The following MBNL1 variants were observed in gnomAD, a reference collection of about 807,000 sequenced individuals.
MBNL1 encodes muscleblind like splicing regulator 1.
Under a neutral mutation model 42.2 loss-of-function variants are expected in MBNL1, and 8 were observed. The observed-to-expected ratio is 0.19, with a 90% CI of 0.11 to 0.34. The LOEUF is 0.34. Ranked by LOEUF, MBNL1 falls within the 10% of genes least tolerant of loss-of-function variation. MBNL1 has a pLI of 1.00. For synonymous variants in MBNL1, 169 were observed against 173.9 expected (o/e 0.97, Z 0.22); for missense variants, 309 against 495.3 (o/e 0.62, Z 3.57).
chr3:152,421,160 G>A (rs1440948572), intron 3 of MBNL1, among the ~76,000 whole-genome samples: 1 of 152,212 alleles, frequency 6.6e-6, no homozygotes, highest in Non-Finnish European at 1.5e-5. Context: ...ACCTCAAAGT[G>A]ATGGGGAGAA....
chr3:152,290,578 T>A (rs1468585630), intron 1 of MBNL1, among the ~76,000 whole-genome samples: 1 of 152,122 alleles, frequency 6.6e-6, no homozygotes, highest in Non-Finnish European at 1.5e-5. Flanking sequence ...TGTGCAATAA[T>A]GTCATTAGGG....
intron 2 of MBNL1, among the ~76,000 whole-genome samples, chr3:152,380,084 C>T (rs765455825): frequency 6.6e-6 from 1 of 152,062 alleles, no homozygotes; most frequent in Non-Finnish European, 1.5e-5. Context: ...TAGTACATAA[C>T]AGGTTGTATA....
intron 2 of MBNL1, among the ~76,000 whole-genome samples, chr3:152,396,502 A>C (rs1034268337): frequency 6.6e-6 from 1 of 152,278 alleles, no homozygotes; most frequent in Non-Finnish European, 1.5e-5. Flanking sequence ...TAATTTCCTC[A>C]TTGGCATAAT....
At chr3:152,353,158 T>TGTC (rs2095226295) in intron 2 of MBNL1, among the ~76,000 whole-genome samples, 1 of 152,168 alleles carries the variant, frequency 6.6e-6, no homozygotes, top group African/African-American at 2.4e-5. Flanking sequence ...TCTCAGAAGC[T>TGTC]TATCCTAGCA....
chr3:152,333,209 G>A (rs890695868), intron 2 of MBNL1, among the ~76,000 whole-genome samples: 4 of 152,282 alleles, frequency 2.6e-5, no homozygotes, highest in African/African-American at 9.6e-5. Context: ...TAATGTTACT[G>A]CCCTGTTAAT....
At chr3:152,325,082 T>TCCCCC (rs1560149912) in intron 2 of MBNL1, among the ~76,000 whole-genome samples, 2 of 41,022 alleles carry the variant, frequency 4.9e-5, no homozygotes, top group African/African-American at 9.2e-5. Context: ...TAATGCCACA[T>TCCCCC]ACCCGCCCCC....
At chr3:152,333,355 T>C (rs1342515961) in intron 2 of MBNL1, among the ~76,000 whole-genome samples, 3 of 152,168 alleles carry the variant, frequency 2.0e-5, no homozygotes, top group East Asian at 3.8e-4. Flanking sequence ...TGGACACATA[T>C]AAGATAAGTT....
chr3:152,353,103 A>G (rs1455468862), intron 2 of MBNL1, among the ~76,000 whole-genome samples: 1 of 152,226 alleles, frequency 6.6e-6, no homozygotes, highest in East Asian at 1.9e-4. Context: ...ATGAGAGTAC[A>G]AAAGTCAGAG....
chr3:152,270,488 C>T (rs1204526827), intron 1 of MBNL1, among the ~76,000 whole-genome samples: 1 of 151,662 alleles, frequency 6.6e-6, no homozygotes, highest in Non-Finnish European at 1.5e-5. Flanking sequence ...CCACAGTTAT[C>T]TCTCTGTGTG....
chr3:152,360,478 ATCT>A (rs1468703010), intron 2 of MBNL1, among the ~76,000 whole-genome samples: 1 of 152,006 alleles, frequency 6.6e-6, no homozygotes, highest in African/African-American at 2.4e-5. Context: ...GAATCCCCTG[ATCT>A]TCTTCCTGTC....
At chr3:152,354,858 T>C (rs113156480) in intron 2 of MBNL1, among the ~76,000 whole-genome samples, 154 of 152,342 alleles carry the variant, frequency 1.0e-3, no homozygotes, top group African/African-American at 3.6e-3. Flanking sequence ...TATTTGCTTC[T>C]ATAGAAATTT....
intron 2 of MBNL1, among the ~76,000 whole-genome samples, chr3:152,373,323 A>C (rs1289012355): frequency 3.0e-5 from 4 of 131,704 alleles, no homozygotes; most frequent in Non-Finnish European, 4.7e-5. Flanking sequence ...CTGGCCTTCC[A>C]GGTGTCACTG....
chr3:152,252,623 T>A (rs1012152575), intron 2 of MBNL1, among the ~76,000 whole-genome samples: 1 of 152,052 alleles, frequency 6.6e-6, no homozygotes, highest in Non-Finnish European at 1.5e-5. Flanking sequence ...TAGTCTGAAG[T>A]CAAATTATCC....
intron 2 of MBNL1, among the ~76,000 whole-genome samples, chr3:152,337,850 T>C (rs1240901738): frequency 1.3e-5 from 2 of 152,192 alleles, no homozygotes. Context: ...ATGTATATTG[T>C]ACTTACTAAA....
rs146467169 is a variant in MBNL1, at chr3:152,434,290, G to T, written c.549+1370G>T. 2.3e-3 allele frequency among the ~76,000 whole-genome samples: 348 copies of T among 152,318 alleles called. 1 individual carries two copies. Among genetic ancestry groups the T allele is most frequent in the Non-Finnish European group, 2.5e-3 (168 of 68,016 alleles). ...CATCATTTAGCCCCCACTTACAAGTGAGAACATGTGGTTATGTGGTTTCCT... is the reference window on the plus strand; with the variant it reads ...CATCATTTAGCCCCCACTTACAAGTTAGAACATGTGGTTATGTGGTTTCCT... On this transcript the variant is annotated intron_variant, in intron 4 of 9. Transcript: ENST00000324210.
intron 2 of MBNL1, among the ~76,000 whole-genome samples, chr3:152,261,127 G>C (rs781126023): frequency 6.6e-6 from 1 of 152,070 alleles, no homozygotes; most frequent in South Asian, 2.1e-4. Context: ...CCTTGGCTGC[G>C]CTTTGAAATC....
In MBNL1 at chr3:152,299,650, G is replaced by C; in HGVS notation, c.-544G>C. The C allele has an allele frequency of 2.5e-6, 1 of 398,556 alleles. No individual in the cohort carries two copies. The highest frequency in any genetic ancestry group is 4.4e-6 in the Non-Finnish European group (1 of 226,088). The allele number at this position is 398,556 out of a possible 1,614,324, so 24.7% of individuals were successfully genotyped here. A position where few individuals can be genotyped will look rare whatever the true frequency, so the allele number is the denominator to read the frequency against. On this transcript the variant is annotated 5_prime_UTR_variant, in exon 2 of 10. Coordinates refer to ENST00000324210, the MANE Select transcript of MBNL1 (RefSeq NM_021038.5). Reference sequence around the variant, plus strand: ...TGAAAAAGTAAGATATCTTCTGCCAGGAAATCAAGGAGGAAAAAAAAAATC... The same window carrying C: ...TGAAAAAGTAAGATATCTTCTGCCACGAAATCAAGGAGGAAAAAAAAAATC...
At chr3:152,304,279 T>G (rs2061942432) in intron 2 of MBNL1, among the ~76,000 whole-genome samples, 1 of 152,170 alleles carries the variant, frequency 6.6e-6, no homozygotes, top group Admixed American at 6.6e-5. Flanking sequence ...TGGTTATAGT[T>G]AAATTTTAGA....
At chr3:152,274,022 A>G (rs1164054304) in intron 1 of MBNL1, among the ~76,000 whole-genome samples, 2 of 152,202 alleles carry the variant, frequency 1.3e-5, no homozygotes, top group African/African-American at 4.8e-5. Context: ...AATACCAGTG[A>G]TGATGTCCAT....
Sources: allele counts gnomAD v4.1 joint callset (sites outside exome capture counted in the v4.1 genomes callset), GRCh38; gene constraint gnomAD v4.1.1; transcripts MANE v1.5; gene names NCBI Gene and HGNC (gene_info 2026-07-23, HGNC 2026-07-21).